The following KLHL41 variants were observed in gnomAD, a reference collection of about 807,000 sequenced individuals.
KLHL41 encodes kelch like family member 41.
Under a neutral mutation model 49.2 loss-of-function variants are expected in KLHL41, and 31 were observed. The ratio of observed to expected loss-of-function variants is 0.63; its 90% CI spans 0.47 to 0.85. The LOEUF is 0.85. Among genes scored for constraint, KLHL41 ranks in the 40% least tolerant of loss-of-function variants. The pLI, the probability that KLHL41 is intolerant of heterozygous loss-of-function variation, is 0.00. For missense variants in KLHL41, 663 were observed against 726.7 expected (o/e 0.91, Z 1.01); for synonymous variants, 218 against 258.5 (o/e 0.84, Z 1.50).
chr2:169,521,780 T>C (rs1392660228), intron 5 of KLHL41, among the ~76,000 whole-genome samples: 1 of 152,198 alleles, frequency 6.6e-6, no homozygotes, highest in African/African-American at 2.4e-5. Flanking sequence ...TGTTTTAGGC[T>C]TCAGCTAATA....
At chr2:169,521,379 A>T in intron 5 of KLHL41, among the ~76,000 whole-genome samples, 1 of 152,140 alleles carries the variant, frequency 6.6e-6, no homozygotes, top group East Asian at 1.9e-4. Context: ...TTCTAAAAAA[A>T]ATTTTATGTT....
Position 169,510,019 on chromosome 2 carries a change from C to A in KLHL41, c.241C>A (p.Pro81Thr). The A allele has an allele frequency of 6.2e-7, 1 of 1,614,156 alleles. No individual in the cohort carries two copies. The highest frequency in any genetic ancestry group is 8.5e-7 in the Non-Finnish European group (1 of 1,180,026). Residue 81 changes from proline (P) to threonine (T), a missense_variant, in exon 1 of 6, where the codon CCT becomes ACT. Coordinates refer to ENST00000284669, the MANE Select transcript of KLHL41 (RefSeq NM_006063.3). This position sits in a 1 kb window ranked among gnomAD's most constrained non-coding sequence, Gnocchi z 4.2. Reference sequence around the variant, plus strand: ...GGAGGTAGTGCTAGACAATGTGGATCCTGCTATACTTGATTTAATCATCAA... The same window carrying A: ...GGAGGTAGTGCTAGACAATGTGGATACTGCTATACTTGATTTAATCATCAA... The part of the protein sequence containing the change: ...KKEVVLDNVD[P>T]AILDLIIKYL...
In KLHL41 at chr2:169,518,395, TA is replaced by T; in HGVS notation, c.1562+21del. 6.5e-7 allele frequency: 1 copy of T among 1,550,300 alleles called. No homozygotes were observed. The highest frequency in any genetic ancestry group is 8.8e-7 in the Non-Finnish European group (1 of 1,133,668). ...AAATAAGTGAGTTGCCACATCTTAG[TA>T]TATAGCATGTGAACAACTATACATT... On this transcript the variant is annotated intron_variant, in intron 4 of 5. Coordinates refer to ENST00000284669, the MANE Select transcript of KLHL41 (RefSeq NM_006063.3).
At position 169,526,210 on chromosome 2, in the gene KLHL41, T is replaced by C; in HGVS notation, c.*514T>C. The C allele has an allele frequency of 6.6e-6, 1 of 152,196 alleles. No homozygotes were observed. The highest frequency in any genetic ancestry group is 6.5e-5 in the Admixed American group (1 of 15,272). The allele number at this position is 152,196 out of a possible 1,614,324, so 9.4% of individuals were successfully genotyped here. On this transcript the variant is annotated 3_prime_UTR_variant, in exon 6 of 6. Coordinates refer to ENST00000284669, the MANE Select transcript of KLHL41 (RefSeq NM_006063.3). ...GAAGTGTAATAAATGGATGGGGAAA[T>C]CGTTTGATGGGGAAAAGTCTCTTGT... is the stretch of plus-strand genomic sequence containing the variant.
At chr2:169,525,259 C>T (rs576446736) in intron 5 of KLHL41, among the ~76,000 whole-genome samples, 1 of 152,338 alleles carries the variant, frequency 6.6e-6, no homozygotes, top group Non-Finnish European at 1.5e-5. Flanking sequence ...TACTTTGACT[C>T]AGAGACCAGC....
rs1684013662 is a variant in KLHL41 at position 169,510,461 on chromosome 2, C to A, written c.683C>A (p.Thr228Lys). The A allele has an allele frequency of 6.2e-7, 1 of 1,613,954 alleles. No homozygotes were observed. Among genetic ancestry groups the A allele is most frequent in the Non-Finnish European group, 8.5e-7 (1 of 1,179,978 alleles). Residue 228 changes from threonine (T) to lysine (K), a missense_variant, in exon 1 of 6, where the codon ACA (threonine) becomes AAA (lysine). Coordinates refer to ENST00000284669, the MANE Select transcript of KLHL41 (RefSeq NM_006063.3). This position sits in a 1 kb window ranked among gnomAD's most constrained non-coding sequence, Gnocchi z 4.2. ...VFDCIRFRLM[T>K]EKYFKDHVEK... ...GATTGTATCCGTTTTCGCCTTATGA[C>A]AGAAAAATATTTTAAGGATCATGTT...
At chr2:169,515,325 G>A (rs1215697891) in intron 3 of KLHL41, among the ~76,000 whole-genome samples, 5 of 152,044 alleles carry the variant, frequency 3.3e-5, no homozygotes, top group Admixed American at 2.6e-4. Flanking sequence ...GAGCCACCAC[G>A]CCCGGTCTCT....
At position 169,510,738 on chromosome 2, in the gene KLHL41, G is replaced by A. The variant is rs539043811; in HGVS notation, c.960G>A (p.Thr320=). Residue 320 remains threonine, a synonymous_variant, in exon 1 of 6, where the codon ACG becomes ACA. Transcript: ENST00000284669. The surrounding 1 kb of genome is among the most constrained non-coding windows in gnomAD (Gnocchi z 4.2). ...NDTAAVAYDP[T]ENECYLTALA... is the part of the protein sequence containing the mutation. ...CAGCAGCAGTGGCTTATGACCCCAC[G>A]GAAAATGAATGCTACCTTACTGCAC... The A allele has an allele frequency of 1.9e-5, 30 of 1,614,106 alleles. No individual in the cohort carries two copies. Among genetic ancestry groups the A allele is most frequent in the Middle Eastern group, 1.6e-4 (1 of 6,062 alleles).
At chr2:169,512,037 GAAA>G (rs1321905449) in intron 1 of KLHL41, among the ~76,000 whole-genome samples, 5 of 152,156 alleles carry the variant, frequency 3.3e-5, no homozygotes, top group Non-Finnish European at 7.4e-5. Context: ...ACTTTAGTTG[GAAA>G]GGCCAAAGAT....
chr2:169,509,931 G>T lies in KLHL41; in HGVS notation c.153G>T (p.Leu51Phe), dbSNP rs1386060510. 3 of 1,614,162 alleles carry T rather than the reference G, an allele frequency of 1.9e-6. No homozygotes were observed. The South Asian group carries it at 3.3e-5, about 18-fold the overall frequency. ...GTCTTCCTTGCCACAGATTGATTTT[G>T]TCAGCTTGTAGTCCTTACTTCCGTG... The part of the protein sequence containing the change: ...DKSLPCHRLI[L>F]SACSPYFREY... Residue 51 changes from leucine to phenylalanine, a missense_variant, in exon 1 of 6, where the codon TTG becomes TTT. By Grantham distance (22) the Leu-to-Phe change is conservative. Around this residue, in one of 3 missense-constraint regions of KLHL41, gnomAD observed 129 missense variants for 122.1 expected, o/e 1.06. Transcript: ENST00000284669.
chr2:169,514,453 A>G, intron 1 of KLHL41, 121 bp from the exon 2 acceptor site: 2 of 679,384 alleles, frequency 2.9e-6, no homozygotes, highest in Non-Finnish European at 4.8e-6. Flanking sequence ...AGTTTTATTT[A>G]CTTGTGAGAT....
Position 169,510,392 on chromosome 2 carries a change from G to A in KLHL41, c.614G>A (p.Arg205Gln), listed in dbSNP as rs576773055. 9 of 1,614,054 alleles carry A rather than the reference G, an allele frequency of 5.6e-6. No homozygotes were observed. The African/African-American group carries it at 8.0e-5, about 14-fold the overall frequency. ...AVFEAVMKWV[R>Q]TDKENRVKNL... ...TTTGAGGCAGTGATGAAATGGGTGC[G>A]AACAGACAAGGAAAACAGGGTTAAA... Residue 205 changes from arginine to glutamine, a missense_variant, in exon 1 of 6, where the codon CGA becomes CAA. Arg to Gln is a conservative substitution (Grantham distance 43). Around this residue, in one of 3 missense-constraint regions of KLHL41, gnomAD observed 528 missense variants for 581.0 expected, o/e 0.91. Transcript: ENST00000284669. This position sits in a 1 kb window ranked among gnomAD's most constrained non-coding sequence, Gnocchi z 4.2.
intron 3 of KLHL41, among the ~76,000 whole-genome samples, chr2:169,515,682 G>A (rs1684106358): frequency 6.6e-6 from 1 of 152,086 alleles, no homozygotes; most frequent in Non-Finnish European, 1.5e-5. Context: ...AAATATCATG[G>A]ATTTGTACTT....
chr2:169,512,314 AG>A (rs1342899956), intron 1 of KLHL41, among the ~76,000 whole-genome samples: 2 of 152,192 alleles, frequency 1.3e-5, no homozygotes, highest in African/African-American at 4.8e-5. Context: ...TCAATGAAAA[AG>A]GCTATAAATA....
rs766071573 is a variant in KLHL41, at chr2:169,510,556, G to A, written c.778G>A (p.Ala260Thr). The change falls in exon 1 of 6, where the codon GCA becomes ACA. Residue 260 changes from alanine to threonine, a missense_variant. By Grantham distance (58) the Ala-to-Thr change is moderately conservative (BLOSUM62 0). Around this residue, in one of 3 missense-constraint regions of KLHL41, gnomAD observed 528 missense variants for 581.0 expected, o/e 0.91. Coordinates refer to ENST00000284669, the MANE Select transcript of KLHL41 (RefSeq NM_006063.3). The surrounding 1 kb of genome is among the most constrained non-coding windows in gnomAD (Gnocchi z 4.2). ...KKIKVLKDAF[A>T]GKLPEPSKNA... Reference sequence around the variant, plus strand: ...AATCAAAGTTCTAAAAGATGCTTTCGCAGGCAAACTCCCAGAACCTAGCAA... The same window carrying A: ...AATCAAAGTTCTAAAAGATGCTTTCACAGGCAAACTCCCAGAACCTAGCAA... The A allele has an allele frequency of 6.8e-6, 11 of 1,613,912 alleles. No homozygotes were observed. Among genetic ancestry groups the A allele is most frequent in the Middle Eastern group, 1.6e-4 (1 of 6,084 alleles).
intron 5 of KLHL41, among the ~76,000 whole-genome samples, chr2:169,522,052 A>G (rs1236531187): frequency 6.6e-6 from 1 of 152,062 alleles, no homozygotes; most frequent in Admixed American, 6.5e-5. Context: ...ACTGAATGAG[A>G]ATCTGTATTT....
intron 3 of KLHL41, among the ~76,000 whole-genome samples, chr2:169,515,485 A>G (rs567315986): frequency 3.3e-5 from 5 of 152,340 alleles, no homozygotes; most frequent in African/African-American, 1.2e-4. Flanking sequence ...CCCAATCATA[A>G]GCATCCTTAC....
intron 1 of KLHL41, among the ~76,000 whole-genome samples, chr2:169,513,697 T>C (rs564196298): frequency 1.3e-5 from 2 of 152,358 alleles, no homozygotes; most frequent in Admixed American, 6.5e-5. Flanking sequence ...TTTTGCAATC[T>C]AGAAGTGGTA....
In KLHL41 at chr2:169,514,712, G is replaced by A. The variant is rs149976520; in HGVS notation, c.1249G>A (p.Val417Ile). The A allele has an allele frequency of 3.1e-6, 5 of 1,614,018 alleles. No individual in the cohort carries two copies. The highest frequency in any genetic ancestry group is 3.4e-6 in the Non-Finnish European group (4 of 1,179,978). The change falls in exon 2 of 6, where the codon GTA (valine) becomes ATA (isoleucine). Residue 417 changes from valine (V) to isoleucine (I), a missense_variant. Val to Ile is a conservative substitution (Grantham distance 29). Coordinates refer to ENST00000284669, the MANE Select transcript of KLHL41 (RefSeq NM_006063.3). Reference protein sequence around the residue: ...DLQTEASLDSVLCYDPVAAKW... With the variant: ...DLQTEASLDSILCYDPVAAKW... ...TCAAACAGAGGCTTCGCTGGATTCAGTATTATGCTATGATCCTGTGTAAGT... is the reference window on the plus strand; with the variant it reads ...TCAAACAGAGGCTTCGCTGGATTCAATATTATGCTATGATCCTGTGTAAGT...
Sources: gnomAD v4.1 joint callset for allele counts (sites outside exome capture counted in the v4.1 genomes callset) on GRCh38, gnomAD v4.1.1 for gene constraint, gnomAD v4.1.1 regional missense constraint, Gnocchi (gnomAD v3.1) non-coding constraint, MANE v1.5 for transcripts, NCBI Gene and HGNC (gene_info 2026-07-23, HGNC 2026-07-21) for gene names.